The following KCNJ6 variants were observed in gnomAD, a reference collection of about 807,000 sequenced individuals.
KCNJ6 encodes potassium inwardly rectifying channel subfamily J member 6.
Under a neutral mutation model 34.2 loss-of-function variants are expected in KCNJ6, and 9 were observed. The observed-to-expected ratio is 0.26, with a 90% confidence interval of 0.16 to 0.46. KCNJ6 has a LOEUF of 0.46. Among genes scored for constraint, KCNJ6 ranks in the 20% least tolerant of loss-of-function variants. The pLI is 1.00. For missense variants in KCNJ6, 236 were observed against 531.3 expected (o/e 0.44, Z 5.46); for synonymous variants, 196 against 207.1 (o/e 0.95, Z 0.46).
chr21:37,664,889 C>T (rs796488291), intron 3 of KCNJ6, among the ~76,000 whole-genome samples: 47 of 149,300 alleles, frequency 3.1e-4, no homozygotes, highest in African/African-American at 8.7e-4. Context: ...CTCTGCCTCC[C>T]GGTTCACACC....
At chr21:37,827,711 A>T (rs1352170202) in intron 2 of KCNJ6, among the ~76,000 whole-genome samples, 1 of 152,166 alleles carries the variant, frequency 6.6e-6, no homozygotes, top group African/African-American at 2.4e-5. Context: ...TTGCTATGTT[A>T]CATGTTTTAT....
At chr21:37,664,957 G>T (rs570176845) in intron 3 of KCNJ6, among the ~76,000 whole-genome samples, 3 of 151,876 alleles carry the variant, frequency 2.0e-5, no homozygotes, top group African/African-American at 7.3e-5. Flanking sequence ...CACCGCGCCC[G>T]GCTAATTTTT....
chr21:37,730,875 A>G (rs1448575671), intron 2 of KCNJ6, among the ~76,000 whole-genome samples: 1 of 152,220 alleles, frequency 6.6e-6, no homozygotes, highest in Non-Finnish European at 1.5e-5. Flanking sequence ...GCCAACCCTT[A>G]CTGAATATCT....
intron 1 of KCNJ6, among the ~76,000 whole-genome samples, chr21:37,847,277 T>C (rs1327744438): frequency 6.6e-6 from 1 of 152,222 alleles, no homozygotes; most frequent in Non-Finnish European, 1.5e-5. Context: ...AATGGTACTG[T>C]CTTCTCTACT....
At chr21:37,719,482 C>G (rs1413293276) in intron 2 of KCNJ6, 2 of 152,172 alleles carry the variant, frequency 1.3e-5, no homozygotes, top group East Asian at 1.9e-4. Flanking sequence ...CAGGCAACTT[C>G]TTACCACCAA....
At chr21:37,635,264 G>T (rs2054352324) in intron 3 of KCNJ6, among the ~76,000 whole-genome samples, 1 of 152,170 alleles carries the variant, frequency 6.6e-6, no homozygotes, top group African/African-American at 2.4e-5. Context: ...TGTTGCCCAG[G>T]CTGGAGTGCA....
chr21:37,810,684 T>G (rs1025951606), intron 2 of KCNJ6, among the ~76,000 whole-genome samples: 2 of 152,232 alleles, frequency 1.3e-5, no homozygotes, highest in African/African-American at 4.8e-5. Flanking sequence ...TCATTTGTGC[T>G]TCCTCTTTTG....
In KCNJ6 at chr21:37,683,533, A is replaced by G. The variant is rs2054599276; in HGVS notation, c.946+30678T>C. 3.3e-5 allele frequency among the ~76,000 whole-genome samples: 5 copies of G among 152,138 alleles called. No individual in the cohort carries two copies. In the South Asian group the frequency reaches 1.0e-3, roughly 32 times the overall value. On this transcript the variant is annotated intron_variant, in intron 3 of 3. Transcript: ENST00000609713. ...TCTTTAGTTTTTATTTGCGCATTGC[A>G]GATAACACTTCTCTGCTGAGGACCT... is the stretch of plus-strand genomic sequence containing the variant.
At chr21:37,689,182 C>G (rs1384948360) in intron 3 of KCNJ6, among the ~76,000 whole-genome samples, 2 of 152,134 alleles carry the variant, frequency 1.3e-5, no homozygotes, top group Non-Finnish European at 2.9e-5. Flanking sequence ...GAGTCTACAG[C>G]TTTTCAAAAG....
chr21:37,729,524 A>G (rs1011581117), intron 2 of KCNJ6, among the ~76,000 whole-genome samples: 32 of 152,162 alleles, frequency 2.1e-4, no homozygotes, highest in Admixed American at 1.5e-3. Context: ...GGGTCTTGCC[A>G]TGATGCTCAG....
At chr21:37,859,898 T>A (rs1382753534) in intron 1 of KCNJ6, among the ~76,000 whole-genome samples, 1 of 152,216 alleles carries the variant, frequency 6.6e-6, no homozygotes, top group East Asian at 1.9e-4. Flanking sequence ...TCTGAATTAA[T>A]AGAATGGCTT....
chr21:37,627,381 T>C (rs752930791), intron 3 of KCNJ6, among the ~76,000 whole-genome samples: 15 of 152,210 alleles, frequency 9.9e-5, no homozygotes, highest in Non-Finnish European at 2.2e-4. Flanking sequence ...TCAACACTGA[T>C]TTGATTTTAC....
At chr21:37,885,684 C>T (rs139689963) in intron 1 of KCNJ6, among the ~76,000 whole-genome samples, 5 of 152,350 alleles carry the variant, frequency 3.3e-5, no homozygotes, top group African/African-American at 9.6e-5. Flanking sequence ...CTCAGTCCTG[C>T]AGCCTCAAGG....
chr21:37,798,986 C>A (rs1039369089), intron 2 of KCNJ6, among the ~76,000 whole-genome samples: 8 of 151,844 alleles, frequency 5.3e-5, no homozygotes, highest in Admixed American at 6.6e-5. Flanking sequence ...ACTTGTGTCA[C>A]GGGGGTTTGT....
intron 2 of KCNJ6, among the ~76,000 whole-genome samples, chr21:37,820,515 C>G (rs2055368681): frequency 6.6e-6 from 1 of 152,188 alleles, no homozygotes; most frequent in African/African-American, 2.4e-5. Flanking sequence ...TTGGATGACA[C>G]TGCTTCAGAT....
intron 1 of KCNJ6, among the ~76,000 whole-genome samples, chr21:37,888,302 C>CT (rs1180251985): frequency 7.2e-5 from 11 of 152,310 alleles, no homozygotes; most frequent in South Asian, 2.1e-4. Flanking sequence ...CCCCTTCAGC[C>CT]TCTCCATCAT....
At chr21:37,660,408 C>T (rs2054482812) in intron 3 of KCNJ6, among the ~76,000 whole-genome samples, 1 of 152,186 alleles carries the variant, frequency 6.6e-6, no homozygotes, top group Non-Finnish European at 1.5e-5. Context: ...CATGCTCTAC[C>T]CTGAATGGGA....
At chr21:37,715,660 A>T (rs925317188) in intron 2 of KCNJ6, among the ~76,000 whole-genome samples, 2 of 152,206 alleles carry the variant, frequency 1.3e-5, no homozygotes, top group Non-Finnish European at 2.9e-5. Context: ...GGAGATAGTT[A>T]AAGGTTATAT....
At chr21:37,742,258 G>C (rs1011832695) in intron 2 of KCNJ6, among the ~76,000 whole-genome samples, 2 of 152,206 alleles carry the variant, frequency 1.3e-5, no homozygotes, top group Non-Finnish European at 2.9e-5. Context: ...GAGTGTCACT[G>C]GTTTCTTGCA....
Sources: gnomAD v4.1 joint callset for allele counts (sites outside exome capture counted in the v4.1 genomes callset) on GRCh38, gnomAD v4.1.1 for gene constraint, MANE v1.5 for transcripts, NCBI Gene and HGNC (gene_info 2026-07-23, HGNC 2026-07-21) for gene names.